The following TCAF1 variants were observed in gnomAD, a reference collection of about 807,000 sequenced individuals.
TCAF1 encodes TRPM8 channel associated factor 1.
In TCAF1, 4 loss-of-function variants were observed where a neutral mutation model predicts 27.3. The observed-to-expected ratio is 0.15, with a 90% CI of 0.07 to 0.34. The LOEUF (loss-of-function observed/expected upper bound fraction) is 0.34. Among genes scored for constraint, TCAF1 ranks in the 10% least tolerant of loss-of-function variants. TCAF1 has a pLI of 1.00. For synonymous variants in TCAF1, 105 were observed against 167.1 expected, an observed-to-expected ratio of 0.63 and a Z score of 2.87; for missense variants, 257 against 425.8, an observed-to-expected ratio of 0.60 and a Z score of 3.49.
intron 1 of TCAF1, chr7:143,885,168 G>A: frequency 1.0e-6 from 1 of 985,528 alleles, no homozygotes; most frequent in Non-Finnish European, 1.2e-6. Context: ...CGTGTGCCCG[G>A]GCCTGGTCTG....
intron 2 of TCAF1, among the ~76,000 whole-genome samples, chr7:143,870,633 T>TC (rs1812415266): frequency 6.6e-6 from 1 of 151,748 alleles, no homozygotes; most frequent in Non-Finnish European, 1.5e-5. Flanking sequence ...AGATGGTCTA[T>TC]CTTCACGGTC....
At chr7:143,875,924 G>C in intron 2 of TCAF1, 65 bp downstream of exon 2, 1 of 1,442,914 alleles carries the variant, frequency 6.9e-7, no homozygotes, top group Non-Finnish European at 9.3e-7. Context: ...GGAGCAACCT[G>C]AAGATAAGAA....
intron 1 of TCAF1, among the ~76,000 whole-genome samples, chr7:143,895,627 T>C (rs1414618064): frequency 6.6e-6 from 1 of 151,662 alleles, no homozygotes; most frequent in Non-Finnish European, 1.5e-5. Context: ...CTACGCACAT[T>C]ATAACTCAGG....
intron 1 of TCAF1, among the ~76,000 whole-genome samples, chr7:143,896,218 A>T (rs1391558185): frequency 6.6e-6 from 1 of 151,782 alleles, no homozygotes; most frequent in African/African-American, 2.4e-5. Context: ...CCTTGATTTG[A>T]TCTTTGAAAA....
At chr7:143,874,561 T>A (rs1381876306) in intron 2 of TCAF1, among the ~76,000 whole-genome samples, 1 of 142,916 alleles carries the variant, frequency 7.0e-6, no homozygotes, top group East Asian at 2.1e-4. Context: ...GGCGTTCTTT[T>A]CTATGCATCT....
intron 1 of TCAF1, among the ~76,000 whole-genome samples, chr7:143,897,261 G>A (rs1813927107): frequency 6.7e-6 from 1 of 149,064 alleles, no homozygotes; most frequent in Non-Finnish European, 1.5e-5. Context: ...CACCCCCAAA[G>A]ACAGCAACAC....
intron 1 of TCAF1, chr7:143,882,659 C>T (rs1813133494): frequency 2.0e-6 from 2 of 985,084 alleles, no homozygotes; most frequent in Non-Finnish European, 2.4e-6. Context: ...CTGCCCTCCC[C>T]CCCGCAGCAC....
intron 1 of TCAF1, among the ~76,000 whole-genome samples, chr7:143,878,045 C>T (rs1368965895): frequency 6.6e-6 from 1 of 152,090 alleles, no homozygotes; most frequent in Non-Finnish European, 1.5e-5. Context: ...AATTGTGAGA[C>T]GCGGACAACA....
chr7:143,869,002 G>GTTT, intron 2 of TCAF1, among the ~76,000 whole-genome samples: 1 of 75,564 alleles, frequency 1.3e-5, no homozygotes, highest in African/African-American at 4.2e-5. Context: ...TTTTTCTTTT[G>GTTT]GTTTTTTTTT....
intron 1 of TCAF1, among the ~76,000 whole-genome samples, chr7:143,883,508 T>TC (rs1813209319): frequency 7.3e-6 from 1 of 136,114 alleles, no homozygotes; most frequent in African/African-American, 2.9e-5. Context: ...TTCTTTTTTT[T>TC]TTTTTTTTTT....
intron 1 of TCAF1, among the ~76,000 whole-genome samples, chr7:143,895,241 T>C (rs1813817428): frequency 6.6e-6 from 1 of 151,810 alleles, no homozygotes; most frequent in Non-Finnish European, 1.5e-5. Flanking sequence ...TCAAATGAGA[T>C]TTATTTGTAA....
intron 2 of TCAF1, among the ~76,000 whole-genome samples, chr7:143,874,544 T>C (rs1812583399): frequency 7.3e-6 from 1 of 136,940 alleles, no homozygotes; most frequent in African/African-American, 2.8e-5. Context: ...AGTATGACCA[T>C]TTGTACGGCG....
In TCAF1 at chr7:143,876,604, G is replaced by GT; in HGVS notation, c.4_5insA (p.Ala2AspfsTer27). 1 of 1,504,920 alleles carries GT rather than the reference G, an allele frequency of 6.6e-7. No individual in the cohort carries two copies. Among genetic ancestry groups the GT allele is most frequent in the East Asian group, 2.3e-5 (1 of 43,914 alleles). The allele number at this position is 1,504,920 out of a possible 1,614,324, so 93.2% of individuals were successfully genotyped here. On this transcript the variant is annotated frameshift_variant, in exon 2 of 9. Transcript: ENST00000479870. LOFTEE classifies it high-confidence loss of function. Reference sequence around the variant, plus strand: ...GGCCTCGAAGGCAGCAGAGGGAGTCGCCATGGCTCTATTGGTTTCTGCAGA... The same window carrying GT: ...GGCCTCGAAGGCAGCAGAGGGAGTCGTCCATGGCTCTATTGGTTTCTGCAGA...
chr7:143,886,290 C>T (rs933587054), intron 1 of TCAF1, among the ~76,000 whole-genome samples: 2 of 152,146 alleles, frequency 1.3e-5, no homozygotes, highest in Non-Finnish European at 1.5e-5. Flanking sequence ...TGTCCTGGGA[C>T]CAAACTGTTC....
chr7:143,901,078 A>G (rs1234219123), intron 1 of TCAF1, among the ~76,000 whole-genome samples: 1 of 152,210 alleles, frequency 6.6e-6, no homozygotes. Flanking sequence ...ATGGGCTTCT[A>G]AGGTACTGTG....
chr7:143,900,402 T>C (rs1021002725), intron 1 of TCAF1, among the ~76,000 whole-genome samples: 7 of 152,128 alleles, frequency 4.6e-5, no homozygotes, highest in East Asian at 1.9e-4. Flanking sequence ...TAAGCTGCCA[T>C]GTTGCAACCA....
chr7:143,893,923 A>G (rs1813762593), intron 1 of TCAF1, among the ~76,000 whole-genome samples: 1 of 151,850 alleles, frequency 6.6e-6, no homozygotes, highest in Non-Finnish European at 1.5e-5. Flanking sequence ...AGCAAGAATC[A>G]AATTTTAAAA....
At chr7:143,894,072 A>G (rs1333293041) in intron 1 of TCAF1, among the ~76,000 whole-genome samples, 3 of 151,904 alleles carry the variant, frequency 2.0e-5, no homozygotes, top group African/African-American at 7.2e-5. Context: ...AAAATATAAC[A>G]AAGTGATATT....
intron 1 of TCAF1, among the ~76,000 whole-genome samples, chr7:143,886,338 CAA>C (rs1408596023): frequency 2.1e-4 from 32 of 152,308 alleles, no homozygotes; most frequent in Non-Finnish European, 1.5e-5. Context: ...TCCCTTACTA[CAA>C]AAGTGTAGTG....
Sources: gnomAD v4.1 joint callset for allele counts (sites outside exome capture counted in the v4.1 genomes callset) on GRCh38, gnomAD v4.1.1 for gene constraint, MANE v1.5 for transcripts, NCBI Gene and HGNC (gene_info 2026-07-23, HGNC 2026-07-21) for gene names.